The following TEX48 variants were observed in gnomAD, a reference collection of about 807,000 sequenced individuals.
The protein encoded by TEX48 is testis-expressed protein 48.
A neutral mutation model predicts 13.2 loss-of-function variants in TEX48; 10 were observed. The ratio of observed to expected loss-of-function variants is 0.75; its 90% CI spans 0.47 to 1.28. The LOEUF (loss-of-function observed/expected upper bound fraction) is 1.28. TEX48 is among the 50% of genes most tolerant of loss of function. The pLI, the probability that TEX48 is intolerant of heterozygous loss-of-function variation, is 0.00. For missense variants in TEX48, 116 were observed against 139.4 expected, an observed-to-expected ratio of 0.83 and a Z score of 0.84; for synonymous variants, 45 against 52.3, an observed-to-expected ratio of 0.86 and a Z score of 0.60.
At chr9:114,669,888 A>T (rs1391141215) in intron 3 of TEX48, among the ~76,000 whole-genome samples, 1 of 152,164 alleles carries the variant, frequency 6.6e-6, no homozygotes, top group East Asian at 1.9e-4. Context: ...TTTTGCTACC[A>T]TAAATACTGT....
intron 4 of TEX48, among the ~76,000 whole-genome samples, chr9:114,667,579 T>C (rs1827864787): frequency 6.6e-6 from 1 of 152,146 alleles, no homozygotes; most frequent in Non-Finnish European, 1.5e-5. Context: ...AAAGTAGACA[T>C]CAAGTAAGCA....
At position 114,671,852 on chromosome 9, in the gene TEX48, G is replaced by A. The variant is rs1827955511; in HGVS notation, c.-104-25C>T. On this transcript the variant is annotated intron_variant, in intron 1 of 4. Coordinates refer to ENST00000436752, the MANE Select transcript of TEX48 (RefSeq NM_001199233.2). ...CCTAAGTAAACATAAGACCGTGGCT[G>A]AAAAATGCTAGTCCTTCACCTGTGT... 19 of 1,032,558 alleles carry A rather than the reference G, an allele frequency of 1.8e-5. No homozygotes were observed. The South Asian group carries it at 2.6e-4, about 14-fold the overall frequency. The allele number at this position is 1,032,558 out of a possible 1,614,324, so 64.0% of individuals were successfully genotyped here.
intron 1 of TEX48, among the ~76,000 whole-genome samples, chr9:114,678,937 A>G (rs7045194): frequency 0.058 from 8,788 of 151,974 alleles, 441 homozygotes; most frequent in African/African-American, 0.13. Context: ...TAACCTATCT[A>G]TGCATAATAT....
In TEX48 at chr9:114,680,120, C is replaced by CTTTTTTTTTT. The variant is rs2079145442; in HGVS notation, c.-105+1914_-105+1915insAAAAAAAAAA. On this transcript the variant is annotated intron_variant, in intron 1 of 4. Coordinates refer to ENST00000436752, the MANE Select transcript of TEX48 (RefSeq NM_001199233.2). ...GAAAATACTTTTAATTGTCATTGTCCCTTTTTTTTTTTTTTTTTTTTTTTG... is the reference window on the plus strand; with the variant it reads ...GAAAATACTTTTAATTGTCATTGTCCTTTTTTTTTTCTTTTTTTTTTTTTTTTTTTTTTTG... Among the ~76,000 whole-genome samples the CTTTTTTTTTT allele has an allele frequency of 7.7e-5, 4 of 52,124 alleles. 1 individual carries two copies. Among genetic ancestry groups the CTTTTTTTTTT allele is most frequent in the Non-Finnish European group, 1.1e-4 (3 of 26,624 alleles). 34.2% of individuals were successfully genotyped at this position (52,124 alleles called of 152,430 possible).
intron 1 of TEX48, among the ~76,000 whole-genome samples, 187 bp downstream of exon 1, chr9:114,681,848 A>G (rs1452616609): frequency 1.3e-5 from 2 of 151,982 alleles, no homozygotes; most frequent in African/African-American, 4.8e-5. Context: ...GGGGGAGGTC[A>G]TTCAGCACAG....
At chr9:114,681,397 T>C (rs7043282) in intron 1 of TEX48, among the ~76,000 whole-genome samples, 13,874 of 152,184 alleles carry the variant, frequency 0.091, 1,068 homozygotes, top group East Asian at 0.32. Context: ...GTGTATCAGT[T>C]ACAAGCACAT....
intron 3 of TEX48, 70 bp from the exon 4 acceptor site, chr9:114,668,407 G>C: frequency 6.9e-7 from 1 of 1,441,314 alleles, no homozygotes; most frequent in Admixed American, 2.0e-5. Flanking sequence ...AAGATGTTTT[G>C]CAAGCTCTGA....
chr9:114,678,288 C>A (rs949290602), intron 1 of TEX48, among the ~76,000 whole-genome samples: 1 of 152,172 alleles, frequency 6.6e-6, no homozygotes, highest in Non-Finnish European at 1.5e-5. Flanking sequence ...TACTCCTTCC[C>A]CTGGCTGCCC....
chr9:114,676,983 T>C (rs941499230), intron 1 of TEX48, among the ~76,000 whole-genome samples: 1 of 152,198 alleles, frequency 6.6e-6, no homozygotes, highest in Non-Finnish European at 1.5e-5. Flanking sequence ...TTATACATAT[T>C]TGTTGAATAA....
intron 1 of TEX48, among the ~76,000 whole-genome samples, chr9:114,679,702 A>G (rs1018701692): frequency 2.0e-5 from 3 of 152,180 alleles, no homozygotes; most frequent in African/African-American, 4.8e-5. Context: ...GTCTTCTTAC[A>G]CAGAGTCTGA....
chr9:114,680,120 C>CTTTTTTT (rs2079145442), intron 1 of TEX48, among the ~76,000 whole-genome samples: 4 of 52,132 alleles, frequency 7.7e-5, no homozygotes, highest in Non-Finnish European at 1.1e-4. Context: ...TGTCATTGTC[C>CTTTTTTT]CTTTTTTTTT....
intron 1 of TEX48, among the ~76,000 whole-genome samples, chr9:114,677,987 A>G (rs1401736891): frequency 6.6e-6 from 1 of 152,028 alleles, no homozygotes; most frequent in Non-Finnish European, 1.5e-5. Context: ...AGGTACTCTC[A>G]TGTATTTGTC....
intron 2 of TEX48, 102 bp from the exon 3 acceptor site, chr9:114,671,607 C>T (rs1827949157): frequency 6.6e-7 from 1 of 1,523,514 alleles, no homozygotes; most frequent in Non-Finnish European, 8.8e-7. Context: ...TCAGCCTCTC[C>T]CAAGGCATTA....
At chr9:114,679,452 C>G (rs1200756159) in intron 1 of TEX48, among the ~76,000 whole-genome samples, 1 of 152,028 alleles carries the variant, frequency 6.6e-6, no homozygotes, top group Non-Finnish European at 1.5e-5. Flanking sequence ...CCATATCTGT[C>G]TACTGAGTCT....
chr9:114,669,740 C>T (rs1039173726), intron 3 of TEX48, among the ~76,000 whole-genome samples: 2 of 151,968 alleles, frequency 1.3e-5, no homozygotes, highest in Non-Finnish European at 2.9e-5. Context: ...CATGCCCAGT[C>T]TGGCTAATTT....
At chr9:114,675,069 G>T (rs1266208153) in intron 1 of TEX48, among the ~76,000 whole-genome samples, 1 of 152,150 alleles carries the variant, frequency 6.6e-6, no homozygotes, top group African/African-American at 2.4e-5. Context: ...GATTTTAGCT[G>T]TTTGGTTTAC....
chr9:114,671,404 CCT>C lies in TEX48; in HGVS notation c.104_105del (p.Gln35ArgfsTer15). 1 of 1,535,404 alleles carries C rather than the reference CCT, an allele frequency of 6.5e-7. No individual in the cohort carries two copies. The highest frequency in any genetic ancestry group is 8.7e-7 in the Non-Finnish European group (1 of 1,146,796). ...INDSKVPSQT[Q>X]EHKPSTQNLL... Reference sequence around the variant, plus strand: ...CTACTTTGGGTCGATGGCTTGTGCTCCTGGGTTTGACTGGGAACCTTGGAGTC... The same window carrying C: ...CTACTTTGGGTCGATGGCTTGTGCTCGGGTTTGACTGGGAACCTTGGAGTC... On this transcript the variant is annotated frameshift_variant, in exon 3 of 5. Coordinates refer to ENST00000436752, the MANE Select transcript of TEX48 (RefSeq NM_001199233.2). LOFTEE classifies it high-confidence loss of function.
In TEX48 at chr9:114,676,860, C is replaced by T. The variant is rs1164631555; in HGVS notation, c.-104-5033G>A. Among the ~76,000 whole-genome samples the T allele has an allele frequency of 2.0e-5, 3 of 152,162 alleles. No homozygotes were observed. The East Asian group carries it at 5.8e-4, about 29-fold the overall frequency. ...CTCGATCTCCTGACCTAGTGATCTG[C>T]CCATCTCGGCCTCCCAAAGTGCTGG... On this transcript the variant is annotated intron_variant, in intron 1 of 4. Coordinates refer to ENST00000436752, the MANE Select transcript of TEX48 (RefSeq NM_001199233.2).
intron 1 of TEX48, among the ~76,000 whole-genome samples, chr9:114,674,597 T>TTTTC (rs1162607491): frequency 7.3e-6 from 1 of 136,236 alleles, no homozygotes; most frequent in East Asian, 2.2e-4. Flanking sequence ...TCTTTTCTCT[T>TTTTC]TTTCTTTCCT....
Sources: gnomAD v4.1 joint callset for allele counts (sites outside exome capture counted in the v4.1 genomes callset) on GRCh38, gnomAD v4.1.1 for gene constraint, MANE v1.5 for transcripts, NCBI Gene and HGNC (gene_info 2026-07-23, HGNC 2026-07-21) for gene names.